The following CSPP1 variants were observed in gnomAD, a reference collection of about 807,000 sequenced individuals.
CSPP1 encodes the protein centrosome and spindle pole-associated protein 1.
In CSPP1, 126 loss-of-function variants were observed where a neutral mutation model predicts 164.4. The observed-to-expected ratio is 0.77, with a 90% CI of 0.66 to 0.89. The LOEUF (loss-of-function observed/expected upper bound fraction) is 0.89. CSPP1 is among the 40% of genes least tolerant of loss of function. The pLI, the probability that CSPP1 is intolerant of heterozygous loss-of-function variation, is 0.00. For missense variants in CSPP1, 1,395 were observed against 1,449.8 expected, an observed-to-expected ratio of 0.96 and a Z score of 0.61; for synonymous variants, 472 against 476.7, an observed-to-expected ratio of 0.99 and a Z score of 0.13.
At chr8:67,115,867 A>T in intron 12 of CSPP1, 47 bp from the exon 13 acceptor site, 1 of 1,495,430 alleles carries the variant, frequency 6.7e-7, no homozygotes, top group Non-Finnish European at 9.3e-7. Flanking sequence ...TTCCACCTTT[A>T]AACTTATGAT....
chr8:67,085,950 T>C lies in CSPP1; in HGVS notation c.200-57T>C. 5.1e-6 allele frequency: 4 copies of C among 791,828 alleles called. No homozygotes were observed. In the South Asian group the frequency reaches 5.6e-5, roughly 11 times the overall value. 49.1% of individuals were successfully genotyped at this position (791,828 alleles called of 1,614,324 possible). A position where few individuals can be genotyped will look rare whatever the true frequency, so the allele number is the denominator to read the frequency against. On this transcript the variant is annotated intron_variant, in intron 3 of 30. Coordinates refer to ENST00000678616, the MANE Select transcript of CSPP1 (RefSeq NM_001382391.1). ...TCTTACTGTGCTTTGTTACAGGAAG[T>C]AGAACTTTGAGATTGGTTTGAAAAT... is the stretch of plus-strand genomic sequence containing the variant.
At chr8:67,088,341 G>A (rs1810855209) in intron 4 of CSPP1, among the ~76,000 whole-genome samples, 1 of 151,816 alleles carries the variant, frequency 6.6e-6, no homozygotes, top group Non-Finnish European at 1.5e-5. Flanking sequence ...AGGCTGGAGT[G>A]CAGTGGTACG....
intron 16 of CSPP1, chr8:67,135,907 G>A (rs1274522646): frequency 6.6e-6 from 1 of 152,126 alleles, no homozygotes; most frequent in Non-Finnish European, 1.5e-5. Context: ...ACACTTACAT[G>A]CCATTGTAGG....
At chr8:67,145,083 G>A (rs954121008) in intron 17 of CSPP1, among the ~76,000 whole-genome samples, 1 of 149,768 alleles carries the variant, frequency 6.7e-6, no homozygotes, top group African/African-American at 2.4e-5. Flanking sequence ...GCATTCACCA[G>A]TGAAGCCATC....
intron 12 of CSPP1, 192 bp downstream of exon 12, chr8:67,114,562 T>G (rs1187648174): frequency 6.6e-6 from 1 of 152,388 alleles, no homozygotes; most frequent in African/African-American, 2.4e-5. Context: ...CTTTTACTTA[T>G]GCTGAGAATA....
chr8:67,114,763 TG>T (rs1817584274), intron 12 of CSPP1: 1 of 152,380 alleles, frequency 6.6e-6, no homozygotes, highest in South Asian at 2.1e-4. Context: ...AGCTTTTTAA[TG>T]TAATATGTTG....
chr8:67,064,383 G>A, upstream of CSPP1: 2 of 1,611,496 alleles, frequency 1.2e-6, no homozygotes, highest in Non-Finnish European at 1.7e-6. Context: ...GCGGAGCCCC[G>A]GCCCGGAGGT....
chr8:67,096,273 A>G (rs1812736028), intron 7 of CSPP1, among the ~76,000 whole-genome samples: 3 of 152,140 alleles, frequency 2.0e-5, no homozygotes, highest in Admixed American at 6.5e-5. Flanking sequence ...CTGACTTCCA[A>G]TATTAAAATG....
rs977910752 is a variant in CSPP1 at position 67,158,899 on chromosome 8, T to C, written c.2392-92T>C. 6.4e-6 allele frequency: 7 copies of C among 1,097,930 alleles called. No individual in the cohort carries two copies. The African/African-American group carries it at 1.1e-4, about 17-fold the overall frequency. The allele number at this position is 1,097,930 out of a possible 1,614,324, so 68.0% of individuals were successfully genotyped here. Reference sequence around the variant, plus strand: ...CACCATATCATGTCATCTATATCTTTATCTCATTTTATCAGATAAATAAGG... The same window carrying C: ...CACCATATCATGTCATCTATATCTTCATCTCATTTTATCAGATAAATAAGG... On this transcript the variant is annotated intron_variant, in intron 20 of 30. Coordinates refer to ENST00000678616, the MANE Select transcript of CSPP1 (RefSeq NM_001382391.1).
chr8:67,108,350 C>T (rs886718540), intron 9 of CSPP1, among the ~76,000 whole-genome samples: 3 of 150,776 alleles, frequency 2.0e-5, no homozygotes, highest in Admixed American at 6.6e-5. Context: ...TGCAGTGAGC[C>T]GTGATTGTGC....
intron 15 of CSPP1, among the ~76,000 whole-genome samples, chr8:67,124,432 C>T (rs1241004143): frequency 1.3e-5 from 2 of 152,160 alleles, no homozygotes; most frequent in Admixed American, 6.5e-5. Flanking sequence ...ATACAAATCA[C>T]ACTATTATAC....
chr8:67,072,884 A>AG (rs932603134), intron 1 of CSPP1, among the ~76,000 whole-genome samples: 18 of 151,348 alleles, frequency 1.2e-4, no homozygotes, highest in African/African-American at 4.4e-4. Context: ...AAAAAAAAAA[A>AG]AAAAAAGAAA....
At chr8:67,138,555 G>A (rs1391100065) in intron 17 of CSPP1, among the ~76,000 whole-genome samples, 1 of 152,174 alleles carries the variant, frequency 6.6e-6, no homozygotes, top group Non-Finnish European at 1.5e-5. Context: ...ACAAAGGGCT[G>A]TTGTATATAT....
intron 15 of CSPP1, among the ~76,000 whole-genome samples, chr8:67,124,844 T>A (rs1819751532): frequency 6.6e-6 from 1 of 152,048 alleles, no homozygotes; most frequent in Non-Finnish European, 1.5e-5. Flanking sequence ...GCTAATTTTT[T>A]ATTTTTTTAA....
At chr8:67,068,255 A>G (rs2129539650) in intron 1 of CSPP1, among the ~76,000 whole-genome samples, 1 of 152,332 alleles carries the variant, frequency 6.6e-6, no homozygotes, top group South Asian at 2.1e-4. Context: ...TGTTTTATAG[A>G]TTAGGCATAG....
At chr8:67,075,498 T>C (rs1169314668) in intron 2 of CSPP1, among the ~76,000 whole-genome samples, 2 of 152,224 alleles carry the variant, frequency 1.3e-5, no homozygotes, top group Non-Finnish European at 2.9e-5. Flanking sequence ...CAAGGCATAT[T>C]CTTAAGAGGT....
chr8:67,115,574 G>A (rs1160446730), intron 12 of CSPP1, among the ~76,000 whole-genome samples: 2 of 152,120 alleles, frequency 1.3e-5, no homozygotes, highest in African/African-American at 2.4e-5. Context: ...CTGAGGCTGA[G>A]GCAGGAGAAT....
At chr8:67,094,649 G>T (rs1344041328) in intron 6 of CSPP1, among the ~76,000 whole-genome samples, 1 of 151,842 alleles carries the variant, frequency 6.6e-6, no homozygotes, top group African/African-American at 2.4e-5. Context: ...GGCTGGTCTT[G>T]AACTCCCAGG....
rs545235625 is a variant in CSPP1 at position 67,182,313 on chromosome 8, TCC to T, written c.3220+2390_3220+2391del. On this transcript the variant is annotated intron_variant, in intron 28 of 30. Transcript: ENST00000678616. ...GTGAGCTACCACACCCAGCCAGATT[TCC>T]CCTTTTTTTTTTTATGCTGTGAATA... Among the ~76,000 whole-genome samples the T allele has an allele frequency of 4.4e-3, 641 of 146,106 alleles. 4 individuals are homozygous for T. Among genetic ancestry groups the T allele is most frequent in the African/African-American group, 0.016 (592 of 36,376 alleles).
Sources: allele counts gnomAD v4.1 joint callset (sites outside exome capture counted in the v4.1 genomes callset), GRCh38; gene constraint gnomAD v4.1.1; transcripts MANE v1.5; gene names NCBI Gene and HGNC (gene_info 2026-07-23, HGNC 2026-07-21).